BCAP31: variants seen among roughly 807,000 people sequenced by gnomAD.
BCAP31 encodes B cell receptor associated protein 31.
For synonymous variants in BCAP31, 75 were observed against 80.9 expected (o/e 0.93, Z 0.39); for missense variants, 124 against 193.0 (o/e 0.64, Z 2.12).
intron 4 of BCAP31, among the ~76,000 whole-genome samples, chrX:153,707,679 T>C (rs1354122088): frequency 1.8e-5 from 2 of 112,007 alleles, no homozygotes; most frequent in African/African-American, 6.5e-5. Context: ...GAAAAAACAT[T>C]CACTGCCGCG....
At chrX:153,708,457 G>A (rs1306785156) in intron 4 of BCAP31, among the ~76,000 whole-genome samples, 1 of 112,545 alleles carries the variant, frequency 8.9e-6, no homozygotes, top group Non-Finnish European at 1.9e-5. Context: ...TTTCAGGCGA[G>A]TCAAGTCATT....
chrX:153,720,367 CT>C (rs374189368), intron 3 of BCAP31, among the ~76,000 whole-genome samples: 9,786 of 100,670 alleles, frequency 0.097, 404 homozygotes, highest in South Asian at 0.13. Flanking sequence ...AGAGGGGCCT[CT>C]TTTTTTTTTT....
intron 2 of BCAP31, 127 bp from the exon 3 acceptor site, chrX:153,721,099 C>G: frequency 1.9e-6 from 1 of 533,369 alleles, no homozygotes; most frequent in Non-Finnish European, 3.0e-6. Context: ...GCAAAGTCAG[C>G]CTCAGTGGCT....
In BCAP31 at chrX:153,700,984, G is replaced by A. The variant is rs1342211648; in HGVS notation, c.703-9C>T. ...GGACCATCTACTGCAGCCTGGAAAG[G>A]GACAGAAATCCCACAGCAGTAGGTT... On this transcript the variant is annotated splice_polypyrimidine_tract_variant and intron_variant, in intron 7 of 7. Transcript: ENST00000345046. The A allele has an allele frequency of 8.3e-7, 1 of 1,203,081 alleles. No homozygotes were observed. Among genetic ancestry groups the A allele is most frequent in the Non-Finnish European group, 1.1e-6 (1 of 891,744 alleles).
At chrX:153,707,622 G>A (rs1270451948) in intron 4 of BCAP31, among the ~76,000 whole-genome samples, 3 of 111,968 alleles carry the variant, frequency 2.7e-5, no homozygotes, top group Non-Finnish European at 5.6e-5. Context: ...GGAAGGCGCC[G>A]TCTCAGACCC....
In BCAP31 at chrX:153,718,038, G is replaced by A. The variant is rs782312036; in HGVS notation, c.194-2349C>T. Among the ~76,000 whole-genome samples, 25 of 111,779 alleles carry A rather than the reference G, an allele frequency of 2.2e-4. No homozygotes were observed. In the East Asian group the frequency reaches 6.4e-3, roughly 29 times the overall value. ...AGATTGCTATAAAAAGATGTTGGCC[G>A]GACACAGTGGCTCATGCCTGTAATT... is the stretch of plus-strand genomic sequence containing the variant. On this transcript the variant is annotated intron_variant, in intron 3 of 7. Transcript: ENST00000345046.
chrX:153,723,705 G>T (rs1557051638), intron 1 of BCAP31: 1 of 1,144,116 alleles, frequency 8.7e-7, no homozygotes, highest in East Asian at 3.3e-5. Flanking sequence ...CAGCCGCAGA[G>T]GCGGGCGCTC....
chrX:153,723,351 T>C (rs1202764705), intron 1 of BCAP31, 63 bp from the exon 2 acceptor site: 2 of 1,143,531 alleles, frequency 1.7e-6, no homozygotes, highest in Non-Finnish European at 2.3e-6. Context: ...TCCAGTTCAG[T>C]TACCCTGCGA....
intron 1 of BCAP31, chrX:153,723,619 G>C (rs1411090338): frequency 1.7e-6 from 2 of 1,167,817 alleles, no homozygotes; most frequent in Non-Finnish European, 2.3e-6. Flanking sequence ...CGTTCTTCGG[G>C]AAGAGCAGTG....
chrX:153,707,483 G>C (rs1214761141), intron 4 of BCAP31, among the ~76,000 whole-genome samples: 1 of 111,387 alleles, frequency 9.0e-6, no homozygotes, highest in African/African-American at 3.3e-5. Flanking sequence ...GAGGCTGCAC[G>C]TAAGGCTGGA....
chrX:153,716,580 A>T (rs1044490124), intron 3 of BCAP31, among the ~76,000 whole-genome samples: 1 of 90,210 alleles, frequency 1.1e-5, no homozygotes, highest in East Asian at 3.1e-4. Flanking sequence ...TCTCTCAACA[A>T]AAAAAAAAAA....
At position 153,723,591 on chromosome X, in the gene BCAP31, G is replaced by A. The variant is rs781974660; in HGVS notation, c.-44-303C>T. On this transcript the variant is annotated intron_variant, in intron 1 of 7. Transcript: ENST00000345046. ...CCCCAGGAAGCCCGAGATTTCCGAC[G>A]CCCGTTTAACTGAAAGGCGTTCTTC... The A allele has an allele frequency of 5.1e-6, 6 of 1,167,153 alleles. No individual in the cohort carries two copies. In the South Asian group the frequency reaches 1.1e-4, roughly 22 times the overall value.
rs2091678396 is a variant in BCAP31, at chrX:153,723,035, G to A, written c.92+118C>T. The A allele has an allele frequency of 7.3e-6, 7 of 959,169 alleles. No individual in the cohort carries two copies. The Admixed American group carries it at 1.9e-4, about 27-fold the overall frequency. The allele number at this position is 959,169 out of a possible 1,213,427, so 79.0% of individuals were successfully genotyped here. Reference sequence around the variant, plus strand: ...ACCCCTGCCACCCCCACCCCAGACAGGTTCTACCTGTTCCATCGGGTCCCA... The same window carrying A: ...ACCCCTGCCACCCCCACCCCAGACAAGTTCTACCTGTTCCATCGGGTCCCA... On this transcript the variant is annotated intron_variant, in intron 2 of 7. Coordinates refer to ENST00000345046, the MANE Select transcript of BCAP31 (RefSeq NM_001256447.2).
intron 3 of BCAP31, 98 bp from the exon 4 acceptor site, chrX:153,715,787 A>C: frequency 9.9e-7 from 1 of 1,009,320 alleles, no homozygotes; most frequent in Non-Finnish European, 1.4e-6. Context: ...GGTCAGACTC[A>C]CTTCCCTCAA....
intron 1 of BCAP31, chrX:153,723,669 C>A (rs1206928050): frequency 7.2e-5 from 83 of 1,156,465 alleles, no homozygotes; most frequent in Admixed American, 3.7e-4. Flanking sequence ...ACCCATCGGG[C>A]GCTCCCTTCC....
At chrX:153,702,371 T>C (rs2091524349) in intron 6 of BCAP31, 1 of 289,308 alleles carries the variant, frequency 3.5e-6, no homozygotes, top group African/African-American at 2.8e-5. Context: ...CTCTAGTGGC[T>C]CTCGGCAAGG....
chrX:153,724,019 A>G (rs1183290452), intron 1 of BCAP31: 1 of 341,574 alleles, frequency 2.9e-6, no homozygotes, highest in Non-Finnish European at 5.6e-6. Context: ...TCCTTACAGT[A>G]GCCCTCGCGG....
Position 153,715,625 on chromosome X carries a change from G to A in BCAP31, c.258C>T (p.Pro86=), listed in dbSNP as rs782421344. ...TCATGTGGAAGTGCTCCATGGCCCC[G>A]GGATTGTTCTGGAGGTTCACCTTTT... ...VTEKVNLQNN[P]GAMEHFHMKL... is the part of the protein sequence containing the mutation. Residue 86 remains proline (P), a synonymous_variant, in exon 4 of 8, where the codon CCC becomes CCT. Coordinates refer to ENST00000345046, the MANE Select transcript of BCAP31 (RefSeq NM_001256447.2). 27 of 1,209,465 alleles carry A rather than the reference G, an allele frequency of 2.2e-5. No homozygotes were observed. Among genetic ancestry groups the A allele is most frequent in the East Asian group, 2.1e-4 (7 of 33,758 alleles).
At chrX:153,715,326 T>C (rs1603227879) in intron 4 of BCAP31, 5 of 458,935 alleles carry the variant, frequency 1.1e-5, no homozygotes, top group African/African-American at 9.6e-5. Context: ...GAGGGTCTTC[T>C]GATATTTCAG....
Sources: gnomAD v4.1 joint callset for allele counts (sites outside exome capture counted in the v4.1 genomes callset) on GRCh38, gnomAD v4.1.1 for gene constraint, MANE v1.5 for transcripts, NCBI Gene and HGNC (gene_info 2026-07-23, HGNC 2026-07-21) for gene names.